Variants in IL17B observed in about 807,000 individuals in gnomAD.
The protein encoded by IL17B is interleukin-17B.
In IL17B, 14 loss-of-function variants were observed where a neutral mutation model predicts 14.7. The ratio of observed to expected loss-of-function variants is 0.95; its 90% CI spans 0.63 to 1.49. The LOEUF is 1.49. Among genes scored for constraint, IL17B ranks in the 40% most tolerant of loss-of-function variants. IL17B has a pLI of 0.00. For synonymous variants in IL17B, 105 were observed against 94.8 expected, an observed-to-expected ratio of 1.11 and a Z score of -0.62; for missense variants, 233 against 252.8, an observed-to-expected ratio of 0.92 and a Z score of 0.53.
At chr5:149,379,114 A>G (rs2127617915) in intron 1 of IL17B, 91 bp downstream of exon 1, 3 of 1,504,422 alleles carry the variant, frequency 2.0e-6, no homozygotes, top group Admixed American at 1.7e-5. Flanking sequence ...TCTAAACCAA[A>G]CAGAGGCAGC....
rs750526618 is a variant in IL17B at position 149,376,946 on chromosome 5, C to A, written c.101G>T (p.Arg34Leu). ...SPKSKRKGQG[R>L]PGPLAPGPHQ... ...AGGGCCAGGGGCCAGGGGCCCAGGC[C>A]GCCCTTGCCCCTTCCTCTTGCTTTT... Residue 34 changes from arginine to leucine, a missense_variant, in exon 2 of 3, where the codon CGG becomes CTG. Coordinates refer to ENST00000261796, the MANE Select transcript of IL17B (RefSeq NM_014443.3). The A allele has an allele frequency of 3.5e-5, 57 of 1,609,526 alleles. No homozygotes were observed. Among genetic ancestry groups the A allele is most frequent in the Non-Finnish European group, 4.8e-5 (56 of 1,178,344 alleles).
upstream of IL17B, among the ~76,000 whole-genome samples, chr5:149,381,834 G>A (rs1377688402): frequency 6.6e-6 from 1 of 152,246 alleles, no homozygotes; most frequent in Non-Finnish European, 1.5e-5. Context: ...CCAGCCCCAG[G>A]ACTCAGTGCC....
At chr5:149,386,090 T>G (rs1017520080) in intron 1 of IL17B, among the ~76,000 whole-genome samples, 2 of 152,250 alleles carry the variant, frequency 1.3e-5, no homozygotes, top group African/African-American at 2.4e-5. Context: ...GCCTTGCATA[T>G]TGGCCTCTGT....
At chr5:149,399,141 G>A (rs941058892) in intron 1 of IL17B, among the ~76,000 whole-genome samples, 3 of 152,148 alleles carry the variant, frequency 2.0e-5, no homozygotes, top group Non-Finnish European at 2.9e-5. Context: ...ACAACACATG[G>A]GAACTATGGG....
intron 1 of IL17B, among the ~76,000 whole-genome samples, chr5:149,398,222 C>A (rs1034737620): frequency 1.3e-5 from 2 of 152,232 alleles, no homozygotes; most frequent in Non-Finnish European, 2.9e-5. Context: ...ATAATGCAAC[C>A]ATCCCATGAT....
intron 1 of IL17B, among the ~76,000 whole-genome samples, chr5:149,393,608 A>G (rs886899226): frequency 6.6e-6 from 1 of 152,112 alleles, no homozygotes; most frequent in South Asian, 2.1e-4. Flanking sequence ...TAGTGTAATT[A>G]TTTTTGGGCA....
chr5:149,383,626 A>G (rs1178502761), upstream of IL17B, among the ~76,000 whole-genome samples: 3 of 152,186 alleles, frequency 2.0e-5, no homozygotes, highest in East Asian at 5.8e-4. Flanking sequence ...TGCTCACTCC[A>G]GAGCCCCAGC....
chr5:149,381,986 C>T (rs1758710033), upstream of IL17B, among the ~76,000 whole-genome samples: 1 of 152,216 alleles, frequency 6.6e-6, no homozygotes, highest in South Asian at 2.1e-4. Flanking sequence ...GGGGAAGGGG[C>T]AGTGGGTGGC....
At chr5:149,387,575 T>A (rs536181041) in intron 1 of IL17B, among the ~76,000 whole-genome samples, 14 of 151,978 alleles carry the variant, frequency 9.2e-5, no homozygotes, top group African/African-American at 2.7e-4. Flanking sequence ...TCAAGATGAG[T>A]TCTGGCAACA....
intron 1 of IL17B, among the ~76,000 whole-genome samples, chr5:149,395,517 T>C (rs1759074969): frequency 6.6e-6 from 1 of 152,230 alleles, no homozygotes; most frequent in Non-Finnish European, 1.5e-5. Context: ...AGTGTCTTCT[T>C]ATCCTACTGT....
intron 1 of IL17B, among the ~76,000 whole-genome samples, chr5:149,385,154 G>A (rs1483631093): frequency 6.6e-6 from 1 of 151,250 alleles, no homozygotes; most frequent in African/African-American, 2.4e-5. Flanking sequence ...CCTAGAGTTC[G>A]ACACCAGCCT....
upstream of IL17B, among the ~76,000 whole-genome samples, chr5:149,382,583 G>A (rs780269072): frequency 6.6e-6 from 1 of 152,254 alleles, no homozygotes; most frequent in African/African-American, 2.4e-5. Context: ...GCTCAGCGTG[G>A]TTAACCACTT....
chr5:149,399,366 T>A (rs1759164031), intron 1 of IL17B, among the ~76,000 whole-genome samples: 1 of 152,152 alleles, frequency 6.6e-6, no homozygotes, highest in Non-Finnish European at 1.5e-5. Context: ...CCTTTACCTA[T>A]CATTCAGGAA....
intron 1 of IL17B, among the ~76,000 whole-genome samples, chr5:149,402,661 C>T (rs944351603): frequency 8.3e-5 from 11 of 131,908 alleles, no homozygotes; most frequent in African/African-American, 3.2e-4. Context: ...AGGGATTATA[C>T]AATTTATCTT....
chr5:149,376,337 G>T (rs1386652033), intron 2 of IL17B, among the ~76,000 whole-genome samples: 4 of 152,234 alleles, frequency 2.6e-5, no homozygotes, highest in African/African-American at 9.6e-5. Flanking sequence ...GCACTGGGAA[G>T]GCCCAGGTCC....
At chr5:149,398,772 G>C (rs556523333) in intron 1 of IL17B, among the ~76,000 whole-genome samples, 1 of 152,336 alleles carries the variant, frequency 6.6e-6, no homozygotes, top group South Asian at 2.1e-4. Flanking sequence ...TGGGCATGGT[G>C]GCAGGCACCT....
At chr5:149,377,504 A>G (rs769354105) in intron 1 of IL17B, among the ~76,000 whole-genome samples, 1 of 152,220 alleles carries the variant, frequency 6.6e-6, no homozygotes, top group Non-Finnish European at 1.5e-5. Flanking sequence ...ACACTGTCAT[A>G]TCTCCCGTGT....
chr5:149,386,727 A>G (rs1241100622), intron 1 of IL17B, among the ~76,000 whole-genome samples: 1 of 152,194 alleles, frequency 6.6e-6, no homozygotes, highest in African/African-American at 2.4e-5. Flanking sequence ...GTGAACAACT[A>G]AAATAGTTCT....
At chr5:149,396,661 G>A (rs1390742002) in intron 1 of IL17B, among the ~76,000 whole-genome samples, 2 of 152,168 alleles carry the variant, frequency 1.3e-5, no homozygotes, top group East Asian at 1.9e-4. Context: ...GTCCCGGAAG[G>A]CAGAGGCGGG....
Sources: allele counts gnomAD v4.1 joint callset (sites outside exome capture counted in the v4.1 genomes callset), GRCh38; gene constraint gnomAD v4.1.1; transcripts MANE v1.5; gene names NCBI Gene and HGNC (gene_info 2026-07-23, HGNC 2026-07-21).